The following FAM110C variants were observed in gnomAD, a reference collection of about 807,000 sequenced individuals.
FAM110C encodes family with sequence similarity 110 member C.
FAM110C carries 19 observed loss-of-function variants against 15.7 expected under a neutral mutation model. That is an observed-to-expected ratio of 1.21 (90% CI 0.85 to 1.78). The LOEUF is 1.78. FAM110C is among the 40% of genes most tolerant of loss of function. The probability of loss-of-function intolerance (pLI) is 0.00; values close to 1 mark genes in which losing one functional copy is unlikely to be tolerated. For missense variants in FAM110C, 547 were observed against 495.7 expected (o/e 1.10, Z -0.98); for synonymous variants, 275 against 233.9 (o/e 1.18, Z -1.61).
At chr2:45,344 G>A (rs1229869930) in intron 1 of FAM110C, 96 bp downstream of exon 1, 2 of 1,475,352 alleles carry the variant, frequency 1.4e-6, no homozygotes, top group East Asian at 4.8e-5. Flanking sequence ...TCAATTCTAA[G>A]CAGCTGTAAC....
Position 46,094 on chromosome 2 carries a change from C to A in FAM110C, c.292G>T (p.Asp98Tyr). ...TTCTGCCGGTAGATGATCAGCGAGT[C>A]CGGTCTCAACGGCTTCCGCGCAATA... is the stretch of plus-strand genomic sequence containing the variant. ...RAIARKPLRPDSLIIYRQKCE... is the reference protein window; with the variant it reads ...RAIARKPLRPYSLIIYRQKCE... Residue 98 changes from aspartate to tyrosine, a missense_variant, in exon 1 of 2, where the codon GAC (aspartate) becomes TAC (tyrosine). Physicochemically the swap from Asp to Tyr is radical, Grantham distance 160 (BLOSUM62 -3). Coordinates refer to ENST00000327669, the MANE Select transcript of FAM110C (RefSeq NM_001077710.3). 6.6e-7 allele frequency: 1 copy of A among 1,513,566 alleles called. No individual in the cohort carries two copies. The highest frequency in any genetic ancestry group is 8.8e-7 in the Non-Finnish European group (1 of 1,138,494). 93.8% of individuals were successfully genotyped at this position (1,513,566 alleles called of 1,614,324 possible).
At position 45,970 on chromosome 2, in the gene FAM110C, CG is replaced by C; in HGVS notation, c.415del (p.Arg139GlyfsTer54). The C allele has an allele frequency of 6.9e-7, 1 of 1,449,522 alleles. No individual in the cohort carries two copies. 89.8% of individuals were successfully genotyped at this position (1,449,522 alleles called of 1,614,324 possible). On this transcript the variant is annotated frameshift_variant, in exon 1 of 2. Transcript: ENST00000327669. LOFTEE classifies it high-confidence loss of function. ...CCCGGCCTTGCCCTCGTCTCCCGTC[CG>C]GGGCACCGGCGCCTTGTCCTTACCC... ...GPGKDKAPVP[R>X]TGDEGKAGNP...
chr2:43,134 AC>A (rs1664172079), intron 1 of FAM110C: 3 of 985,096 alleles, frequency 3.0e-6, no homozygotes, highest in African/African-American at 3.5e-5. Context: ...CTCCTCATAC[AC>A]CCCACCCCTG....
At chr2:44,654 C>T (rs929669619) in intron 1 of FAM110C, 6 of 985,258 alleles carry the variant, frequency 6.1e-6, no homozygotes, top group East Asian at 1.1e-4. Flanking sequence ...ACCAGCACTC[C>T]TCAGTTCCCC....
chr2:39,794 A>C lies in FAM110C; in HGVS notation c.*1814T>G, dbSNP rs577609342. 3.9e-4 allele frequency: 59 copies of C among 152,344 alleles called. No individual in the cohort carries two copies. Among genetic ancestry groups the C allele is most frequent in the African/African-American group, 1.4e-3 (59 of 41,578 alleles). 9.4% of individuals were successfully genotyped at this position (152,344 alleles called of 1,614,324 possible). On this transcript the variant is annotated 3_prime_UTR_variant, in exon 2 of 2. Coordinates refer to ENST00000327669, the MANE Select transcript of FAM110C (RefSeq NM_001077710.3). ...AGAAAGGCATACACACTTTTACTTA[A>C]AGCTTTCATATCTAAAATTGATGGG...
chr2:46,072 T>C lies in FAM110C; in HGVS notation c.314A>G (p.Gln105Arg). Residue 105 changes from glutamine to arginine, a missense_variant, in exon 1 of 2, where the codon CAG becomes CGG. Coordinates refer to ENST00000327669, the MANE Select transcript of FAM110C (RefSeq NM_001077710.3). ...CGATCCTCGCACGAATTCGCATTTC[T>C]GCCGGTAGATGATCAGCGAGTCCGG... ...LRPDSLIIYR[Q>R]KCEFVRGSGA... 6.6e-7 allele frequency: 1 copy of C among 1,524,876 alleles called. No homozygotes were observed. The highest frequency in any genetic ancestry group is 2.6e-5 in the East Asian group (1 of 37,890). 94.5% of individuals were successfully genotyped at this position (1,524,876 alleles called of 1,614,324 possible).
At chr2:43,876 G>C in intron 1 of FAM110C, 1 of 985,418 alleles carries the variant, frequency 1.0e-6, no homozygotes, top group African/African-American at 1.7e-5. Flanking sequence ...ATGCAACACA[G>C]ATTATTACTA....
intron 1 of FAM110C, chr2:43,945 A>G (rs1318460315): frequency 1.0e-6 from 1 of 985,280 alleles, no homozygotes; most frequent in South Asian, 4.7e-5. Context: ...CTTTTTATGG[A>G]CAAAGGACGC....
At chr2:42,798 A>T (rs1327744511) in intron 1 of FAM110C, 1 of 983,044 alleles carries the variant, frequency 1.0e-6, no homozygotes, top group Non-Finnish European at 1.2e-6. Context: ...TCTTTCACTT[A>T]GAAAACCTAC....
chr2:41,642 A>C lies in FAM110C; in HGVS notation c.947-15T>G, dbSNP rs528195106. Reference sequence around the variant, plus strand: ...AGGTTTGCTTCCTGAGGAGTTAAAGAAAAAATAGTGAATCAACTCCAGTCT... The same window carrying C: ...AGGTTTGCTTCCTGAGGAGTTAAAGCAAAAATAGTGAATCAACTCCAGTCT... On this transcript the variant is annotated splice_polypyrimidine_tract_variant and intron_variant, in intron 1 of 1. Coordinates refer to ENST00000327669, the MANE Select transcript of FAM110C (RefSeq NM_001077710.3). 2.6e-5 allele frequency: 42 copies of C among 1,613,264 alleles called. 1 individual carries two copies. In the Admixed American group the frequency reaches 3.2e-4, roughly 12 times the overall value.
In FAM110C at chr2:43,739, A is replaced by G. The variant is rs182355967; in HGVS notation, c.946+1701T>C. 5.1e-6 allele frequency: 5 copies of G among 985,354 alleles called. No individual in the cohort carries two copies. The Admixed American group carries it at 1.8e-4, about 36-fold the overall frequency. 61.0% of individuals were successfully genotyped at this position (985,354 alleles called of 1,614,324 possible). A position where few individuals can be genotyped will look rare whatever the true frequency, so the allele number is the denominator to read the frequency against. On this transcript the variant is annotated intron_variant, in intron 1 of 1. Transcript: ENST00000327669. ...ACATTATTACCTCCCCACTATTTAT[A>G]CCACCAAGTCTACCTACTGCCTGCA...
chr2:42,355 G>T, intron 1 of FAM110C: 1 of 972,066 alleles, frequency 1.0e-6, no homozygotes, highest in Non-Finnish European at 1.2e-6. Context: ...AATGTTTTAT[G>T]CCTAATTTCC....
In FAM110C at chr2:40,185, A is replaced by G. The variant is rs1664087637; in HGVS notation, c.*1423T>C. ...TAAAATTATACTGACAAAAACTAAA[A>G]TCATATGAAGTAAAATAAAACTATC... On this transcript the variant is annotated 3_prime_UTR_variant, in exon 2 of 2. Transcript: ENST00000327669. 1 of 152,238 alleles carries G rather than the reference A, an allele frequency of 6.6e-6. No individual in the cohort carries two copies. The highest frequency in any genetic ancestry group is 1.5e-5 in the Non-Finnish European group (1 of 68,036). 9.4% of individuals were successfully genotyped at this position (152,238 alleles called of 1,614,324 possible). A position where few individuals can be genotyped will look rare whatever the true frequency, so the allele number is the denominator to read the frequency against.
chr2:44,213 T>C (rs1664212829), intron 1 of FAM110C: 2 of 985,254 alleles, frequency 2.0e-6, no homozygotes, highest in South Asian at 4.7e-5. Context: ...GAACTTAGGC[T>C]AGTGGAAAAC....
At chr2:44,717 G>C in intron 1 of FAM110C, 1 of 985,404 alleles carries the variant, frequency 1.0e-6, no homozygotes. Context: ...GTTGTCCAAA[G>C]GGAGGTTACT....
intron 1 of FAM110C, chr2:43,014 G>A: frequency 1.0e-6 from 1 of 985,450 alleles, no homozygotes. Context: ...TTTCCCTGCT[G>A]GTCTCCTCCA....
intron 1 of FAM110C, chr2:44,431 C>T (rs1214276226): frequency 1.0e-6 from 1 of 985,234 alleles, no homozygotes; most frequent in African/African-American, 1.7e-5. Flanking sequence ...CTACAGGCTG[C>T]CATGCATCTT....
At chr2:43,185 G>A in intron 1 of FAM110C, 1 of 985,430 alleles carries the variant, frequency 1.0e-6, no homozygotes, top group Non-Finnish European at 1.2e-6. Context: ...GTTTCAAAGA[G>A]GCCTGTGCTG....
Position 45,446 on chromosome 2 carries a change from T to C in FAM110C, c.940A>G (p.Thr314Ala), listed in dbSNP as rs1365705860. ...CAGCCTTCTGGGCACACACCTCGGG[T>C]CCGGCTCTGCTCCTGGCTGGGGGTC... is the stretch of plus-strand genomic sequence containing the variant. Reference protein sequence around the residue: ...KETPSQEQSRTRGSKPSR With the variant: ...KETPSQEQSRARGSKPSR Residue 314 changes from threonine (T) to alanine (A), a missense_variant, in exon 1 of 2, where the codon ACC becomes GCC. Coordinates refer to ENST00000327669, the MANE Select transcript of FAM110C (RefSeq NM_001077710.3). 1 of 1,608,402 alleles carries C rather than the reference T, an allele frequency of 6.2e-7. No individual in the cohort carries two copies. Among genetic ancestry groups the C allele is most frequent in the Admixed American group, 1.7e-5 (1 of 59,748 alleles).
Sources: gnomAD v4.1 joint callset for allele counts on GRCh38, gnomAD v4.1.1 for gene constraint, MANE v1.5 for transcripts, NCBI Gene and HGNC (gene_info 2026-07-23, HGNC 2026-07-21) for gene names.